Variants in SLCO3A1 observed in about 807,000 individuals in gnomAD.
The protein encoded by SLCO3A1 is solute carrier organic anion transporter family member 3A1, also known as PGE1 transporter.
In SLCO3A1, 27 loss-of-function variants were observed where a neutral mutation model predicts 63.1. The observed-to-expected ratio is 0.43, with a 90% CI of 0.32 to 0.59. The LOEUF (loss-of-function observed/expected upper bound fraction) is 0.59. Ranked by LOEUF, SLCO3A1 falls within the 20% of genes least tolerant of loss-of-function variation. The pLI, the probability that SLCO3A1 is intolerant of heterozygous loss-of-function variation, is 0.09. For missense variants in SLCO3A1, 773 were observed against 945.8 expected (o/e 0.82, Z 2.40); for synonymous variants, 473 against 409.9 (o/e 1.15, Z -1.86).
chr15:92,168,147 A>C (rs1793795065), downstream of SLCO3A1, among the ~76,000 whole-genome samples: 1 of 152,260 alleles, frequency 6.6e-6, no homozygotes, highest in African/African-American at 2.4e-5. Flanking sequence ...AATAGTATTA[A>C]GAGCTAGGGT....
At chr15:92,023,721 G>A (rs1358128414) in intron 2 of SLCO3A1, among the ~76,000 whole-genome samples, 5 of 152,158 alleles carry the variant, frequency 3.3e-5, no homozygotes, top group African/African-American at 7.2e-5. Context: ...CAGCCGCCTC[G>A]GCCTCCCAAA....
intron 9 of SLCO3A1, among the ~76,000 whole-genome samples, chr15:92,156,951 T>C (rs1313717901): frequency 6.6e-6 from 1 of 151,644 alleles, no homozygotes; most frequent in African/African-American, 2.4e-5. Flanking sequence ...ACTAAGAGAG[T>C]AAATTAAATA....
At chr15:92,084,849 A>G (rs2151527291) in intron 2 of SLCO3A1, among the ~76,000 whole-genome samples, 1 of 152,304 alleles carries the variant, frequency 6.6e-6, no homozygotes, top group East Asian at 1.9e-4. Flanking sequence ...AGCATGCACC[A>G]CCATAGCCAG....
At chr15:92,146,900 T>TGTGA (rs2048232046) in intron 7 of SLCO3A1, 84 bp from the exon 8 acceptor site, 1 of 1,264,210 alleles carries the variant, frequency 7.9e-7, no homozygotes, top group Admixed American at 2.4e-5. Context: ...GTAATTAGGC[T>TGTGA]GTGACAGATT....
At chr15:92,080,353 C>A (rs527411917) in intron 2 of SLCO3A1, among the ~76,000 whole-genome samples, 3 of 151,102 alleles carry the variant, frequency 2.0e-5, no homozygotes, top group Admixed American at 2.0e-4. Flanking sequence ...CTGCTTTTCC[C>A]GAGCCTACAA....
chr15:92,065,768 C>T (rs966682523), intron 2 of SLCO3A1, among the ~76,000 whole-genome samples: 4 of 152,106 alleles, frequency 2.6e-5, no homozygotes, highest in Non-Finnish European at 5.9e-5. Flanking sequence ...ACTCATTTTA[C>T]GTGCACATTT....
At chr15:92,062,341 G>A (rs903465139) in intron 2 of SLCO3A1, among the ~76,000 whole-genome samples, 10 of 152,158 alleles carry the variant, frequency 6.6e-5, no homozygotes, top group African/African-American at 9.7e-5. Context: ...GGTCCAAGTC[G>A]GGTCAGTCAT....
intron 2 of SLCO3A1, among the ~76,000 whole-genome samples, chr15:91,919,312 C>T (rs747940201): frequency 6.6e-6 from 1 of 152,240 alleles, no homozygotes; most frequent in Non-Finnish European, 1.5e-5. Flanking sequence ...GGGCTATTCA[C>T]AAGGGGCTCC....
chr15:92,017,245 T>TTTC (rs2046448411), intron 2 of SLCO3A1, among the ~76,000 whole-genome samples: 2 of 151,890 alleles, frequency 1.3e-5, no homozygotes, highest in African/African-American at 4.8e-5. Context: ...GCGGATGATC[T>TTTC]TTAAGAATGT....
At chr15:91,966,224 G>C (rs1900656576) in intron 2 of SLCO3A1, among the ~76,000 whole-genome samples, 2 of 152,160 alleles carry the variant, frequency 1.3e-5, no homozygotes, top group East Asian at 3.9e-4. Flanking sequence ...CCGTAGCTCA[G>C]ATGAGGTCAG....
intron 6 of SLCO3A1, 115 bp from the exon 7 acceptor site, chr15:92,128,236 C>G: frequency 3.2e-6 from 4 of 1,245,598 alleles, no homozygotes; most frequent in Non-Finnish European, 3.4e-6. Context: ...GGTAACAATC[C>G]CATAAGCAGG....
intron 2 of SLCO3A1, among the ~76,000 whole-genome samples, chr15:91,995,582 G>C (rs2046181000): frequency 6.6e-6 from 1 of 152,144 alleles, no homozygotes; most frequent in African/African-American, 2.4e-5. Context: ...TTATATTCTT[G>C]TGAGGTCTGC....
Position 91,885,772 on chromosome 15 carries a change from ACAAAT to A in SLCO3A1, c.181-30219_181-30215del, listed in dbSNP as rs901881331. Among the ~76,000 whole-genome samples, 20 of 152,342 alleles carry A rather than the reference ACAAAT, an allele frequency of 1.3e-4. No homozygotes were observed. The highest frequency in any genetic ancestry group is 4.8e-4 in the African/African-American group (20 of 41,578). Reference sequence around the variant, plus strand: ...CCCTCCCCTATTTTTATGGCTGCTAACAAATCGGCTGGACCTTTCTCTAAAGGCCT... The same window carrying A: ...CCCTCCCCTATTTTTATGGCTGCTAACGGCTGGACCTTTCTCTAAAGGCCT... On this transcript the variant is annotated intron_variant, in intron 1 of 9. Coordinates refer to ENST00000318445, the MANE Select transcript of SLCO3A1 (RefSeq NM_013272.4). This position sits in a 1 kb window ranked among gnomAD's most constrained non-coding sequence, Gnocchi z 4.7.
rs140703866 is a variant in SLCO3A1, at chr15:92,090,022, T to G, written c.647-4859T>G. 7.6e-4 allele frequency among the ~76,000 whole-genome samples: 116 copies of G among 152,296 alleles called. 1 individual carries two copies. Among genetic ancestry groups the G allele is most frequent in the African/African-American group, 2.5e-3 (105 of 41,566 alleles). Reference sequence around the variant, plus strand: ...TAGAGTAGCTGCTCGAAAACCATGATACGTATCAACAGAAAATATATATAT... The same window carrying G: ...TAGAGTAGCTGCTCGAAAACCATGAGACGTATCAACAGAAAATATATATAT... On this transcript the variant is annotated intron_variant, in intron 2 of 9. Transcript: ENST00000318445.
chr15:92,015,573 T>G (rs2046417004), intron 2 of SLCO3A1, among the ~76,000 whole-genome samples: 1 of 151,988 alleles, frequency 6.6e-6, no homozygotes, highest in African/African-American at 2.4e-5. Context: ...GAGATTTGGG[T>G]GAGGACACAG....
At position 91,954,555 on chromosome 15, in the gene SLCO3A1, TC is replaced by T. The variant is rs1188503769; in HGVS notation, c.646+38099del. 6.6e-6 allele frequency among the ~76,000 whole-genome samples: 1 copy of T among 152,170 alleles called. No individual in the cohort carries two copies. Among genetic ancestry groups the T allele is most frequent in the Non-Finnish European group, 1.5e-5 (1 of 68,034 alleles). ...ACCTGGTCAGGTGCCCCGCAGGCTT[TC>T]CTGAGAAGTGAATCCAGGCGCAGAA... On this transcript the variant is annotated intron_variant, in intron 2 of 9. Coordinates refer to ENST00000318445, the MANE Select transcript of SLCO3A1 (RefSeq NM_013272.4). This position sits in a 1 kb window ranked among gnomAD's most constrained non-coding sequence, Gnocchi z 4.7.
At chr15:91,904,178 T>C (rs1401650515) in intron 1 of SLCO3A1, among the ~76,000 whole-genome samples, 4 of 152,196 alleles carry the variant, frequency 2.6e-5, no homozygotes, top group Admixed American at 2.6e-4. Context: ...TGCTGTTATA[T>C]CATGCACGGA....
At chr15:92,130,508 G>C (rs1475698874) in intron 7 of SLCO3A1, among the ~76,000 whole-genome samples, 2 of 152,214 alleles carry the variant, frequency 1.3e-5, no homozygotes, top group Admixed American at 6.5e-5. Flanking sequence ...ATCTCTAGAT[G>C]CCCTGGCTTC....
chr15:92,165,713 T>C lies in SLCO3A1; in HGVS notation c.*2578T>C. 1.0e-6 allele frequency: 1 copy of C among 985,288 alleles called. No individual in the cohort carries two copies. The highest frequency in any genetic ancestry group is 1.2e-6 in the Non-Finnish European group (1 of 829,786). 61.0% of individuals were successfully genotyped at this position (985,288 alleles called of 1,614,324 possible). A position where few individuals can be genotyped will look rare whatever the true frequency, so the allele number is the denominator to read the frequency against. ...TTTTAAAATTTTAATTATTCTCATA[T>C]AGTACCGAACAGAAAACTCAGTCTA... On this transcript the variant is annotated 3_prime_UTR_variant, in exon 10 of 10. Transcript: ENST00000318445.
Sources: gnomAD v4.1 joint callset for allele counts (sites outside exome capture counted in the v4.1 genomes callset) on GRCh38, gnomAD v4.1.1 for gene constraint, Gnocchi (gnomAD v3.1) non-coding constraint, MANE v1.5 for transcripts, NCBI Gene and HGNC (gene_info 2026-07-23, HGNC 2026-07-21) for gene names.